The following PHACTR2 variants were observed in gnomAD, a reference collection of about 807,000 sequenced individuals.
PHACTR2 encodes the protein chromosome 6 open reading frame 56.
PHACTR2 carries 30 observed loss-of-function variants against 76.0 expected under a neutral mutation model. That is an observed-to-expected ratio of 0.39 (90% CI 0.30 to 0.54). The LOEUF is 0.54. Ranked by LOEUF, PHACTR2 falls within the 20% of genes least tolerant of loss-of-function variation. The pLI is 0.61. For missense variants in PHACTR2, 696 were observed against 781.1 expected (o/e 0.89, Z 1.30); for synonymous variants, 292 against 292.5 (o/e 1.00, Z 0.02).
rs376786868 is a variant in PHACTR2, at chr6:143,608,321, C to T, written c.12C>T (p.Ala4=). ...GCCACTCCTGAGACATGGACAACGC[C>T]GGTGGGTAAATCAAGCATGAATTCT... The change falls in exon 1 of 12, where the codon GCC becomes GCT. Residue 4 remains alanine, a splice_region_variant and synonymous_variant. Transcript: ENST00000305766. This position sits in a 1 kb window ranked among gnomAD's most constrained non-coding sequence, Gnocchi z 4.6. 1.8e-5 allele frequency: 29 copies of T among 1,613,968 alleles called. No homozygotes were observed. Among genetic ancestry groups the T allele is most frequent in the Admixed American group, 1.3e-4 (8 of 60,000 alleles).
chr6:143,693,223 C>CTT (rs112039008), intron 1 of PHACTR2, among the ~76,000 whole-genome samples: 16 of 151,884 alleles, frequency 1.1e-4, no homozygotes, highest in African/African-American at 3.6e-4. Flanking sequence ...TAGTAGTGTC[C>CTT]TTTTTTTGTT....
intron 1 of PHACTR2, among the ~76,000 whole-genome samples, chr6:143,614,933 A>G (rs1776038037): frequency 6.6e-6 from 1 of 152,256 alleles, no homozygotes; most frequent in African/African-American, 2.4e-5. Context: ...GTAAGATGTT[A>G]TATGTAAAAA....
Position 143,608,552 on chromosome 6 carries a change from G to T in PHACTR2, c.13+230G>T, listed in dbSNP as rs1333262677. Among the ~76,000 whole-genome samples the T allele has an allele frequency of 3.0e-5, 4 of 135,208 alleles. No individual in the cohort carries two copies. The highest frequency in any genetic ancestry group is 9.9e-5 in the African/African-American group (3 of 30,384). The allele number at this position is 135,208 out of a possible 152,430, so 88.7% of individuals were successfully genotyped here. Reference sequence around the variant, plus strand: ...GTATTCCAAATTCACCTTTTGTGAAGACTACTGCTATTTAGGCTGAAGCAA... The same window carrying T: ...GTATTCCAAATTCACCTTTTGTGAATACTACTGCTATTTAGGCTGAAGCAA... On this transcript the variant is annotated intron_variant, in intron 1 of 11. Coordinates refer to the PHACTR2 transcript ENST00000305766. The surrounding 1 kb of genome is among the most constrained non-coding windows in gnomAD (Gnocchi z 4.6).
chr6:143,552,674 C>T (rs1775109105), intron 1 of PHACTR2, among the ~76,000 whole-genome samples: 1 of 152,052 alleles, frequency 6.6e-6, no homozygotes, highest in South Asian at 2.1e-4. Context: ...AAGGCCAAGG[C>T]AGGTGGATCA....
At chr6:143,707,505 T>A (rs1778080913) in intron 1 of PHACTR2, among the ~76,000 whole-genome samples, 1 of 152,222 alleles carries the variant, frequency 6.6e-6, no homozygotes, top group Non-Finnish European at 1.5e-5. Context: ...TTACAACATT[T>A]GTGAGCTGGA....
rs955682843 is a variant in PHACTR2, at chr6:143,662,753, C to T, written c.14-49263C>T. Among the ~76,000 whole-genome samples, 6 of 151,548 alleles carry T rather than the reference C, an allele frequency of 4.0e-5. No homozygotes were observed. Among genetic ancestry groups the T allele is most frequent in the Non-Finnish European group, 7.4e-5 (5 of 67,906 alleles). On this transcript the variant is annotated intron_variant, in intron 1 of 11. Coordinates refer to the PHACTR2 transcript ENST00000305766. The surrounding 1 kb of genome is among the most constrained non-coding windows in gnomAD (Gnocchi z 4.7). ...AGTTTTTTCTTTTTTTCTTTAATTTCGGCTTTTATTTTTGATACAGGGGGT... is the reference window on the plus strand; with the variant it reads ...AGTTTTTTCTTTTTTTCTTTAATTTTGGCTTTTATTTTTGATACAGGGGGT...
At chr6:143,690,300 C>G (rs1449470888) in intron 1 of PHACTR2, among the ~76,000 whole-genome samples, 1 of 152,226 alleles carries the variant, frequency 6.6e-6, no homozygotes, top group Non-Finnish European at 1.5e-5. Context: ...TGGATTTTCT[C>G]TGAGCCCACT....
chr6:143,670,954 C>T lies in PHACTR2; in HGVS notation c.14-41062C>T, dbSNP rs1454244455. 6.6e-5 allele frequency among the ~76,000 whole-genome samples: 10 copies of T among 150,950 alleles called. No homozygotes were observed. In the East Asian group the frequency reaches 9.7e-4, roughly 15 times the overall value. On this transcript the variant is annotated intron_variant, in intron 1 of 11. Coordinates refer to the PHACTR2 transcript ENST00000305766. ...TTTTTTTTTTTTTGAAATGGAGTCTCGCTCTGCAGCCCAGGCTGGAGTACA... is the reference window on the plus strand; with the variant it reads ...TTTTTTTTTTTTTGAAATGGAGTCTTGCTCTGCAGCCCAGGCTGGAGTACA...
rs1237204355 is a variant in PHACTR2, at chr6:143,571,548, A to C, written c.217+34341A>C. On this transcript the variant is annotated intron_variant, in intron 1 of 11. Coordinates refer to the PHACTR2 transcript ENST00000367584. The surrounding 1 kb of genome is among the most constrained non-coding windows in gnomAD (Gnocchi z 4.6). ...CTCAGCCTCCTGAGCAGCTGGGACT[A>C]CAGGTGTGCACTGCCACACCTGGTT... Among the ~76,000 whole-genome samples the C allele has an allele frequency of 6.6e-6, 1 of 152,034 alleles. No individual in the cohort carries two copies. The highest frequency in any genetic ancestry group is 1.5e-5 in the Non-Finnish European group (1 of 68,002).
In PHACTR2 at chr6:143,787,160, A is replaced by C. The variant is rs1027868781; in HGVS notation, c.1708-1613A>C. Among the ~76,000 whole-genome samples, 1 of 152,156 alleles carries C rather than the reference A, an allele frequency of 6.6e-6. No individual in the cohort carries two copies. Among genetic ancestry groups the C allele is most frequent in the Non-Finnish European group, 1.5e-5 (1 of 68,026 alleles). ...CTGCACCCACTTGCCTCCACCATACATAGCTCCATGCCGTAGGTGCAGGTC... is the reference window on the plus strand; with the variant it reads ...CTGCACCCACTTGCCTCCACCATACCTAGCTCCATGCCGTAGGTGCAGGTC... On this transcript the variant is annotated intron_variant, in intron 10 of 12. Coordinates refer to ENST00000440869, the MANE Select transcript of PHACTR2 (RefSeq NM_001100164.2). The surrounding 1 kb of genome is among the most constrained non-coding windows in gnomAD (Gnocchi z 4.6).
Position 143,594,211 on chromosome 6 carries a change from G to T in PHACTR2, c.217+57004G>T, listed in dbSNP as rs1775723813. The stretch of plus-strand genomic sequence containing the variant: ...TATAAGGTGTATATGAAACATAAAT[G>T]AATTTTCTGTTTAGACTTGGGTCCC... On this transcript the variant is annotated intron_variant, in intron 1 of 11. Transcript: ENST00000367584. 2.0e-5 allele frequency among the ~76,000 whole-genome samples: 3 copies of T among 152,192 alleles called. No individual in the cohort carries two copies. In the South Asian group the frequency reaches 6.2e-4, roughly 32 times the overall value.
chr6:143,600,853 C>T (rs1023945704), intron 1 of PHACTR2, among the ~76,000 whole-genome samples: 1 of 152,190 alleles, frequency 6.6e-6, no homozygotes, highest in Admixed American at 6.5e-5. Context: ...GCATTGAAAG[C>T]AGAAGTTCAA....
In PHACTR2 at chr6:143,581,353, T is replaced by A. The variant is rs116443909; in HGVS notation, c.217+44146T>A. Among the ~76,000 whole-genome samples the A allele has an allele frequency of 0.012, 1,845 of 152,048 alleles. 40 individuals are homozygous for A. The highest frequency in any genetic ancestry group is 0.04 in the African/African-American group (1,638 of 41,442). On this transcript the variant is annotated intron_variant, in intron 1 of 11. Transcript: ENST00000367584. This position sits in a 1 kb window ranked among gnomAD's most constrained non-coding sequence, Gnocchi z 4.5. The stretch of plus-strand genomic sequence containing the variant: ...GGTTCATGCCTGTAATCCCAGCACT[T>A]TGGGAGGTCAAGACAAGGAAGGAGG...
In PHACTR2 at chr6:143,807,134, G is replaced by C. The variant is rs1776082960; in HGVS notation, c.1922+1G>C. The C allele has an allele frequency of 6.3e-7, 1 of 1,578,370 alleles. No homozygotes were observed. Among genetic ancestry groups the C allele is most frequent in the Admixed American group, 1.7e-5 (1 of 57,818 alleles). On this transcript the variant is annotated splice_donor_variant, in intron 12 of 12. Coordinates refer to ENST00000440869, the MANE Select transcript of PHACTR2 (RefSeq NM_001100164.2). LOFTEE classifies it high-confidence loss of function. The surrounding 1 kb of genome is among the most constrained non-coding windows in gnomAD (Gnocchi z 5.5). ...ATGAAGAGAGTCGACAGTTTACAAG[G>C]TAGGTGACAAAATGCAGCTTAGAAA...
At chr6:143,555,928 T>C (rs1477105068) in intron 1 of PHACTR2, among the ~76,000 whole-genome samples, 1 of 152,042 alleles carries the variant, frequency 6.6e-6, no homozygotes, top group Non-Finnish European at 1.5e-5. Flanking sequence ...TTTAGCTTTT[T>C]TTTTTTTTTT....
chr6:143,692,891 G>A (rs1381392254), intron 1 of PHACTR2, among the ~76,000 whole-genome samples: 1 of 152,218 alleles, frequency 6.6e-6, no homozygotes, highest in African/African-American at 2.4e-5. Flanking sequence ...CAACAGAAAT[G>A]TATTTCCTCA....
chr6:143,827,909 A>C lies in PHACTR2; in HGVS notation c.*4220A>C, dbSNP rs1010554480. 1 of 152,082 alleles carries C rather than the reference A, an allele frequency of 6.6e-6. No individual in the cohort carries two copies. Among genetic ancestry groups the C allele is most frequent in the Admixed American group, 6.5e-5 (1 of 15,268 alleles). 9.4% of individuals were successfully genotyped at this position (152,082 alleles called of 1,614,324 possible). A position where few individuals can be genotyped will look rare whatever the true frequency, so the allele number is the denominator to read the frequency against. On this transcript the variant is annotated 3_prime_UTR_variant, in exon 13 of 13. Coordinates refer to ENST00000440869, the MANE Select transcript of PHACTR2 (RefSeq NM_001100164.2). ...TGTAATACCAGCACTTTGGGAGGCC[A>C]AGGTGGGTGGATCAGTTGAGGTCAG...
At chr6:143,713,514 G>T (rs888067363) in intron 2 of PHACTR2, among the ~76,000 whole-genome samples, 8 of 152,144 alleles carry the variant, frequency 5.3e-5, no homozygotes, top group Non-Finnish European at 1.2e-4. Context: ...TTGGTTATTG[G>T]GTCCTCTTCA....
At chr6:143,577,111 T>G (rs1447546001) in intron 1 of PHACTR2, among the ~76,000 whole-genome samples, 1 of 152,158 alleles carries the variant, frequency 6.6e-6, no homozygotes, top group Non-Finnish European at 1.5e-5. Context: ...TTGAATGAAA[T>G]GTAAAAAACA....
Sources: allele counts gnomAD v4.1 joint callset (sites outside exome capture counted in the v4.1 genomes callset), GRCh38; gene constraint gnomAD v4.1.1; non-coding constraint Gnocchi (gnomAD v3.1); transcripts MANE v1.5; gene names NCBI Gene and HGNC (gene_info 2026-07-23, HGNC 2026-07-21).